The following APOBR variants were observed in gnomAD, a reference collection of about 807,000 sequenced individuals.
APOBR encodes the protein apoB-48R.
In APOBR, 57 loss-of-function variants were observed where a neutral mutation model predicts 88.5. That is an observed-to-expected ratio of 0.64 (90% CI 0.52 to 0.80). APOBR has a LOEUF of 0.80. Among genes scored for constraint, APOBR ranks in the 30% least tolerant of loss-of-function variants. The pLI, the probability that APOBR is intolerant of heterozygous loss-of-function variation, is 0.00. For missense variants in APOBR, 1,443 were observed against 1,401.6 expected, an observed-to-expected ratio of 1.03 and a Z score of -0.47; for synonymous variants, 588 against 572.7, an observed-to-expected ratio of 1.03 and a Z score of -0.38.
chr16:28,497,445 G>A lies in APOBR; in HGVS notation c.2404G>A (p.Glu802Lys), dbSNP rs2046402316. The change falls in exon 2 of 4, where the codon GAG (glutamate) becomes AAG (lysine). Residue 802 changes from glutamate (E) to lysine (K), a missense_variant. Glu to Lys is a moderately conservative substitution (Grantham distance 56, BLOSUM62 1). Coordinates refer to ENST00000564831, the MANE Select transcript of APOBR (RefSeq NM_018690.4). ...SKEKEEAAAG[E>K]HAGGQEFGLE... ...AGAAAAGGAAGAGGCAGCAGCAGGA[G>A]AGCATGCAGGTGGGCAAGAATTTGG... is the stretch of plus-strand genomic sequence containing the variant. The A allele has an allele frequency of 1.2e-6, 2 of 1,613,844 alleles. No individual in the cohort carries two copies. The highest frequency in any genetic ancestry group is 1.7e-6 in the Non-Finnish European group (2 of 1,179,882).
rs1177793586 is a variant in APOBR, at chr16:28,498,197, GCAGCAGGAGGAGCC to G, written c.3074_3087del (p.Gln1025ProfsTer7). 3 of 1,605,110 alleles carry G rather than the reference GCAGCAGGAGGAGCC, an allele frequency of 1.9e-6. No individual in the cohort carries two copies. Among genetic ancestry groups the G allele is most frequent in the Non-Finnish European group, 8.5e-7 (1 of 1,178,662 alleles). On this transcript the variant is annotated frameshift_variant, in exon 3 of 4. Coordinates refer to ENST00000564831, the MANE Select transcript of APOBR (RefSeq NM_018690.4). LOFTEE classifies it high-confidence loss of function. ...CTTTTCGTCGGACTCCGGCCTGGGA[GCAGCAGGAGGAGCC>G]CCCAGCCCCCAACCCTCCTGAGGAG... is the stretch of plus-strand genomic sequence containing the variant.
In APOBR at chr16:28,498,063, G is replaced by A. The variant is rs2046407691; in HGVS notation, c.2956-18G>A. The A allele has an allele frequency of 6.5e-7, 1 of 1,545,442 alleles. No individual in the cohort carries two copies. The highest frequency in any genetic ancestry group is 1.9e-5 in the Admixed American group (1 of 51,674). The stretch of plus-strand genomic sequence containing the variant: ...CCCGAAGCCGGCCCCATGGTCCTCT[G>A]TGCCCCCTTTCCTGCAGGCCCCGCT... On this transcript the variant is annotated intron_variant, in intron 2 of 3. Coordinates refer to ENST00000564831, the MANE Select transcript of APOBR (RefSeq NM_018690.4).
At position 28,497,335 on chromosome 16, in the gene APOBR, T is replaced by C. The variant is rs1438344239; in HGVS notation, c.2294T>C (p.Met765Thr). 5.0e-6 allele frequency: 8 copies of C among 1,605,898 alleles called. No individual in the cohort carries two copies. The highest frequency in any genetic ancestry group is 2.2e-5 in the South Asian group (2 of 89,986). The part of the protein sequence containing the change: ...AQTGSVAAGI[M>T]GGDVVPHISA... ...ACTGGCTCTGTGGCTGCTGGGATTA[T>C]GGGGGGTGATGTGGTCCCACACATC... The change falls in exon 2 of 4, where the codon ATG becomes ACG. Residue 765 changes from methionine to threonine, a missense_variant. Transcript: ENST00000564831.
rs1416502544 is a variant in APOBR, at chr16:28,498,817, T to A, written c.*312T>A. 1.8e-6 allele frequency: 1 copy of A among 564,500 alleles called. No individual in the cohort carries two copies. Among genetic ancestry groups the A allele is most frequent in the Non-Finnish European group, 3.2e-6 (1 of 310,284 alleles). The allele number at this position is 564,500 out of a possible 1,614,324, so 35.0% of individuals were successfully genotyped here. On this transcript the variant is annotated 3_prime_UTR_variant, in exon 4 of 4. Transcript: ENST00000564831. The stretch of plus-strand genomic sequence containing the variant: ...CTGCAAGGAGGCTGGGCACGGGGGC[T>A]CACGCCTGTCACCCCAGAGCTTTGG...
rs143822957 is a variant in APOBR at position 28,495,076 on chromosome 16, CCTCT to C, written c.58-14_58-11del. The C allele has an allele frequency of 6.9e-6, 10 of 1,454,880 alleles. No homozygotes were observed. Among genetic ancestry groups the C allele is most frequent in the African/African-American group, 4.3e-5 (3 of 70,212 alleles). 90.1% of individuals were successfully genotyped at this position (1,454,880 alleles called of 1,614,324 possible). On this transcript the variant is annotated intron_variant, in intron 1 of 3. Coordinates refer to ENST00000564831, the MANE Select transcript of APOBR (RefSeq NM_018690.4). Reference sequence around the variant, plus strand: ...CTGGGACTCTCCTCAATGACTCTCCCCTCTCTCTCTCTTTTTTCCTAGGATTCCC... The same window carrying C: ...CTGGGACTCTCCTCAATGACTCTCCCCTCTCTCTTTTTTCCTAGGATTCCC...
In APOBR at chr16:28,497,670, C is replaced by T. The variant is rs769897477; in HGVS notation, c.2629C>T (p.Leu877Phe). 1.9e-6 allele frequency: 3 copies of T among 1,602,286 alleles called. No homozygotes were observed. Among genetic ancestry groups the T allele is most frequent in the Admixed American group, 1.7e-5 (1 of 57,314 alleles). Residue 877 changes from leucine to phenylalanine, a missense_variant, in exon 2 of 4, where the codon CTT becomes TTT. Transcript: ENST00000564831. ...GGGAGCCATGGTGGAGGCTGGGGGG[C>T]TTCTAGAAAAGTGGACGCTGTTGGA... Reference protein sequence around the residue: ...GMGAMVEAGGLLEKWTLLEEE... With the variant: ...GMGAMVEAGGFLEKWTLLEEE...
At position 28,496,437 on chromosome 16, in the gene APOBR, C is replaced by T. The variant is rs578248521; in HGVS notation, c.1396C>T (p.Arg466Cys). 1.2e-4 allele frequency: 193 copies of T among 1,612,142 alleles called. No homozygotes were observed. In the Admixed American group the frequency reaches 2.9e-3, roughly 24 times the overall value. The change falls in exon 2 of 4, where the codon CGT (arginine) becomes TGT (cysteine). Residue 466 changes from arginine to cysteine, a missense_variant. Coordinates refer to ENST00000564831, the MANE Select transcript of APOBR (RefSeq NM_018690.4). ...GESFEGQVDL[R>C]GKEAEMRQDL... is the part of the protein sequence containing the mutation. Reference sequence around the variant, plus strand: ...GAGCTTTGAGGGCCAGGTAGACCTGCGTGGTAAGGAGGCTGAGATGAGGCA... The same window carrying T: ...GAGCTTTGAGGGCCAGGTAGACCTGTGTGGTAAGGAGGCTGAGATGAGGCA...
Position 28,496,530 on chromosome 16 carries a change from G to T in APOBR, c.1489G>T (p.Glu497Ter), listed in dbSNP as rs770935583. The T allele has an allele frequency of 1.9e-6, 3 of 1,575,990 alleles. No individual in the cohort carries two copies. The Admixed American group carries it at 5.5e-5, about 29-fold the overall frequency. The change falls in exon 2 of 4, where the codon GAG becomes TAG. Residue 497 changes from glutamate (E) to a stop codon, truncating the protein, a stop_gained. Transcript: ENST00000564831. LOFTEE classifies it high-confidence loss of function. ...GGTACAGGCAGAGGAGGCCCAGGAG[G>T]AGAGAGGGAGCAGCAGGGATCCAGT... ...ELVQAEEAQE[E>*]RGSSRDPVAE...
In APOBR at chr16:28,494,729, G is replaced by T. The variant is rs1471540182; in HGVS notation, c.48G>T (p.Arg16Ser). ...LYLPGLHQAL[R>S]GALDSLGTFV... is the part of the protein sequence containing the mutation. ...TCCCTGGGCTGCACCAGGCCTTGAGGGGGGCACTGGTGAGAAGGGCAGACA... is the reference window on the plus strand; with the variant it reads ...TCCCTGGGCTGCACCAGGCCTTGAGTGGGGCACTGGTGAGAAGGGCAGACA... The change falls in exon 1 of 4, where the codon AGG (arginine) becomes AGT (serine). Residue 16 changes from arginine (R) to serine (S), a missense_variant. Arg to Ser is a moderately radical substitution (Grantham distance 110, BLOSUM62 -1). Coordinates refer to ENST00000564831, the MANE Select transcript of APOBR (RefSeq NM_018690.4). 3 of 1,611,292 alleles carry T rather than the reference G, an allele frequency of 1.9e-6. No homozygotes were observed. The highest frequency in any genetic ancestry group is 2.7e-5 in the African/African-American group (2 of 74,832).
At position 28,495,974 on chromosome 16, in the gene APOBR, GACAGCCTCAGGCGGGGAGGAGGCTGAA is replaced by G. The variant is rs368546180; in HGVS notation, c.957_983del (p.Glu320_Ala328del). On this transcript the variant is annotated inframe_deletion, in exon 2 of 4. Coordinates refer to ENST00000564831, the MANE Select transcript of APOBR (RefSeq NM_018690.4). ...CAATCTCAGGCGGGGAGGAGGCTGAGACAGCCTCAGGCGGGGAGGAGGCTGAAACAGCCTCAGGCGGGGAGGAGGCCG... is the reference window on the plus strand; with the variant it reads ...CAATCTCAGGCGGGGAGGAGGCTGAGACAGCCTCAGGCGGGGAGGAGGCCG... 1.7e-3 allele frequency: 2,696 copies of G among 1,603,914 alleles called. 94 individuals carry two copies. The East Asian group carries it at 0.048, about 29-fold the overall frequency.
Position 28,497,768 on chromosome 16 carries a change from T to C in APOBR, c.2727T>C (p.Pro909=). ...DSEGRCGDYH[P]EGEAPRLLDA... ...AGGGGCGGTGTGGGGACTACCACCCTGAGGGAGAGGCACCAAGGCTCCTTG... is the reference window on the plus strand; with the variant it reads ...AGGGGCGGTGTGGGGACTACCACCCCGAGGGAGAGGCACCAAGGCTCCTTG... Residue 909 remains proline (P), a synonymous_variant, in exon 2 of 4, where the codon CCT becomes CCC. Transcript: ENST00000564831. 1 of 1,603,712 alleles carries C rather than the reference T, an allele frequency of 6.2e-7. No individual in the cohort carries two copies. The highest frequency in any genetic ancestry group is 2.2e-5 in the East Asian group (1 of 44,480).
At position 28,496,263 on chromosome 16, in the gene APOBR, G is replaced by A. The variant is rs1477784660; in HGVS notation, c.1222G>A (p.Val408Ile). ...CCTAGAGGCTACTGGAAAAGTCTGG[G>A]TCCTAGAGGAGGAGGGGGATGAGGA... is the stretch of plus-strand genomic sequence containing the variant. ...RLLEATGKVW[V>I]LEEEGDEERE... is the part of the protein sequence containing the mutation. The change falls in exon 2 of 4, where the codon GTC (valine) becomes ATC (isoleucine). Residue 408 changes from valine (V) to isoleucine (I), a missense_variant. Val to Ile is a conservative substitution (Grantham distance 29). Coordinates refer to ENST00000564831, the MANE Select transcript of APOBR (RefSeq NM_018690.4). 2 of 1,604,596 alleles carry A rather than the reference G, an allele frequency of 1.2e-6. No individual in the cohort carries two copies. Among genetic ancestry groups the A allele is most frequent in the Admixed American group, 3.4e-5 (2 of 58,408 alleles).
In APOBR at chr16:28,497,561, G is replaced by A. The variant is rs770662689; in HGVS notation, c.2520G>A (p.Arg840=). ...GGGAGGGAGGACCTTGGGGAGGGCG[G>A]GTAGAGGCCGAGGAATCTGCAGGCG... is the stretch of plus-strand genomic sequence containing the variant. ...ESREGGPWGG[R]VEAEESAGAE... is the part of the protein sequence containing the mutation. Residue 840 remains arginine, a synonymous_variant, in exon 2 of 4, where the codon CGG becomes CGA. Coordinates refer to ENST00000564831, the MANE Select transcript of APOBR (RefSeq NM_018690.4). The A allele has an allele frequency of 1.2e-6, 2 of 1,605,236 alleles. No homozygotes were observed. Among genetic ancestry groups the A allele is most frequent in the Non-Finnish European group, 8.5e-7 (1 of 1,175,684 alleles).
chr16:28,498,181 G>C lies in APOBR; in HGVS notation c.3056G>C (p.Arg1019Pro), dbSNP rs771510670. 1.2e-6 allele frequency: 2 copies of C among 1,602,628 alleles called. No homozygotes were observed. The highest frequency in any genetic ancestry group is 2.2e-5 in the East Asian group (1 of 44,782). The change falls in exon 3 of 4, where the codon CGG becomes CCG. Residue 1019 changes from arginine (R) to proline (P), a missense_variant. Coordinates refer to ENST00000564831, the MANE Select transcript of APOBR (RefSeq NM_018690.4). The part of the protein sequence containing the change: ...SQRRSRPSFR[R>P]TPAWEQQEEP... The stretch of plus-strand genomic sequence containing the variant: ...CGTCGCTCCCGGCCCTCTTTTCGTC[G>C]GACTCCGGCCTGGGAGCAGCAGGAG...
chr16:28,497,945 G>C lies in APOBR; in HGVS notation c.2904G>C (p.Thr968=). 1.2e-6 allele frequency: 2 copies of C among 1,612,966 alleles called. No individual in the cohort carries two copies. The highest frequency in any genetic ancestry group is 1.7e-6 in the Non-Finnish European group (2 of 1,179,556). The stretch of plus-strand genomic sequence containing the variant: ...CGGAGTCAGTCGGGGAAGCCGAGAC[G>C]GCTGAGGCCATGGGCAGTGCCAGAG... The part of the protein sequence containing the change: ...AAPESVGEAE[T]AEAMGSARGG... Residue 968 remains threonine, a synonymous_variant, in exon 2 of 4, where the codon ACG becomes ACC. Transcript: ENST00000564831.
Position 28,494,662 on chromosome 16 carries a change from C to G in APOBR, c.-20C>G. The G allele has an allele frequency of 6.2e-7, 1 of 1,607,424 alleles. No homozygotes were observed. The highest frequency in any genetic ancestry group is 8.5e-7 in the Non-Finnish European group (1 of 1,176,094). Reference sequence around the variant, plus strand: ...ACGGTCATTATCAGCTTTCTGGACACACAGACAGAGACAGACAGGATGGAC... The same window carrying G: ...ACGGTCATTATCAGCTTTCTGGACAGACAGACAGAGACAGACAGGATGGAC... On this transcript the variant is annotated 5_prime_UTR_variant, in exon 1 of 4. Transcript: ENST00000564831.
rs2046386437 is a variant in APOBR, at chr16:28,495,833, G to A, written c.792G>A (p.Gly264=). 9 of 1,608,160 alleles carry A rather than the reference G, an allele frequency of 5.6e-6. No homozygotes were observed. Among genetic ancestry groups the A allele is most frequent in the East Asian group, 4.5e-5 (2 of 44,716 alleles). The stretch of plus-strand genomic sequence containing the variant: ...CCTGTGAAAGCACTAGGGCATGGGG[G>A]ACGTGGGGCCCAGGGGCAGAGCCTG... ...EKACESTRAW[G]TWGPGAEPED... The change falls in exon 2 of 4, where the codon GGG becomes GGA. Residue 264 remains glycine, a synonymous_variant. Coordinates refer to ENST00000564831, the MANE Select transcript of APOBR (RefSeq NM_018690.4).
chr16:28,495,187 TG>T lies in APOBR; in HGVS notation c.148del (p.Val50TrpfsTer10), dbSNP rs1276594914. 2 of 1,557,384 alleles carry T rather than the reference TG, an allele frequency of 1.3e-6. No individual in the cohort carries two copies. Among genetic ancestry groups the T allele is most frequent in the Non-Finnish European group, 8.7e-7 (1 of 1,153,804 alleles). ...REAQAAEELG[V>X]VAVGKTGKIV... is the part of the protein sequence containing the mutation. ...GCGCAGGCGGCTGAGGAACTGGGGGTGGTGGCGGTGGGAAAGACAGGGAAGA... is the reference window on the plus strand; with the variant it reads ...GCGCAGGCGGCTGAGGAACTGGGGGTGTGGCGGTGGGAAAGACAGGGAAGA... On this transcript the variant is annotated frameshift_variant, in exon 2 of 4. Transcript: ENST00000564831. LOFTEE classifies it high-confidence loss of function.
rs1219404281 is a variant in APOBR, at chr16:28,494,665, A to T, written c.-17A>T. 6.2e-7 allele frequency: 1 copy of T among 1,607,958 alleles called. No homozygotes were observed. Among genetic ancestry groups the T allele is most frequent in the African/African-American group, 1.3e-5 (1 of 74,662 alleles). The stretch of plus-strand genomic sequence containing the variant: ...GTCATTATCAGCTTTCTGGACACAC[A>T]GACAGAGACAGACAGGATGGACTTC... On this transcript the variant is annotated 5_prime_UTR_variant, in exon 1 of 4. Coordinates refer to ENST00000564831, the MANE Select transcript of APOBR (RefSeq NM_018690.4).
Sources: gnomAD v4.1 joint callset for allele counts on GRCh38, gnomAD v4.1.1 for gene constraint, MANE v1.5 for transcripts, NCBI Gene and HGNC (gene_info 2026-07-23, HGNC 2026-07-21) for gene names.